The following TRPM3 variants were observed in gnomAD, a reference collection of about 807,000 sequenced individuals.
The protein encoded by TRPM3 is long transient receptor potential channel 3.
TRPM3 carries 77 observed loss-of-function variants against 181.2 expected under a neutral mutation model. The observed-to-expected ratio is 0.42, with a 90% CI of 0.35 to 0.51. TRPM3 has a LOEUF of 0.51. Ranked by LOEUF, TRPM3 falls within the 20% of genes least tolerant of loss-of-function variation. The pLI, the probability that TRPM3 is intolerant of heterozygous loss-of-function variation, is 0.01. For missense variants in TRPM3, 1,759 were observed against 2,196.7 expected (o/e 0.80, Z 3.98); for synonymous variants, 745 against 796.4 (o/e 0.94, Z 1.09).
chr9:70,552,793 A>G, intron 24 of TRPM3, 51 bp downstream of exon 24: 1 of 1,590,918 alleles, frequency 6.3e-7, no homozygotes, highest in Non-Finnish European at 8.6e-7. Flanking sequence ...GCCTATAGGA[A>G]GTGGTAGGGA....
intron 1 of TRPM3, among the ~76,000 whole-genome samples, chr9:71,084,213 G>T (rs1358938588): frequency 6.6e-6 from 1 of 151,888 alleles, no homozygotes; most frequent in Non-Finnish European, 1.5e-5. Flanking sequence ...GAATAGATAT[G>T]CTTGGTCCAG....
chr9:71,112,743 C>T (rs893027170), intron 1 of TRPM3, among the ~76,000 whole-genome samples: 5 of 152,124 alleles, frequency 3.3e-5, no homozygotes, highest in Non-Finnish European at 5.9e-5. Context: ...AATAATACCA[C>T]AACATGCTAA....
At position 71,282,400 on chromosome 9, in the gene TRPM3, G is replaced by A. The variant is rs552933378; in HGVS notation, c.183+164253C>T. 2.6e-4 allele frequency among the ~76,000 whole-genome samples: 30 copies of A among 116,912 alleles called. 6 individuals carry two copies. In the South Asian group the frequency reaches 7.0e-3, roughly 27 times the overall value. 76.7% of individuals were successfully genotyped at this position (116,912 alleles called of 152,430 possible). A position where few individuals can be genotyped will look rare whatever the true frequency, so the allele number is the denominator to read the frequency against. Reference sequence around the variant, plus strand: ...GAAAGAAAGAAAGGAAAGAAAGAAAGGAAAAGAAAGAAAAAGAAAAAGAAA... The same window carrying A: ...GAAAGAAAGAAAGGAAAGAAAGAAAAGAAAAGAAAGAAAAAGAAAAAGAAA... On this transcript the variant is annotated intron_variant, in intron 1 of 24. Transcript: ENST00000357533.
chr9:71,231,285 G>C (rs988838158), intron 1 of TRPM3, among the ~76,000 whole-genome samples: 1 of 152,188 alleles, frequency 6.6e-6, no homozygotes, highest in African/African-American at 2.4e-5. Flanking sequence ...CCTTGTAAGA[G>C]AGAAGTAAGA....
chr9:70,998,194 C>T (rs1333401092), intron 1 of TRPM3, among the ~76,000 whole-genome samples: 1 of 145,834 alleles, frequency 6.9e-6, no homozygotes, highest in African/African-American at 2.5e-5. Flanking sequence ...CATATATACA[C>T]ATATATACAT....
chr9:70,679,455 A>G (rs1443499902), intron 9 of TRPM3, among the ~76,000 whole-genome samples: 2 of 152,226 alleles, frequency 1.3e-5, no homozygotes, highest in Non-Finnish European at 2.9e-5. Context: ...AGAAGATATT[A>G]TAATGGCCAA....
intron 7 of TRPM3, among the ~76,000 whole-genome samples, chr9:70,768,806 C>T (rs80205817): frequency 9.5e-4 from 144 of 152,208 alleles, no homozygotes; most frequent in African/African-American, 3.4e-3. Context: ...GCTTTATTTA[C>T]TAGTGAGGGA....
intron 1 of TRPM3, among the ~76,000 whole-genome samples, chr9:71,059,275 G>C (rs925907121): frequency 6.6e-6 from 1 of 151,648 alleles, no homozygotes; most frequent in Non-Finnish European, 1.5e-5. Flanking sequence ...ACTTCTCTAG[G>C]AGATTTCAGG....
intron 6 of TRPM3, among the ~76,000 whole-genome samples, chr9:70,822,984 A>G (rs2093303700): frequency 6.6e-6 from 1 of 152,092 alleles, no homozygotes; most frequent in African/African-American, 2.4e-5. Context: ...CCCCAAAACT[A>G]GCATCTGATG....
intron 1 of TRPM3, among the ~76,000 whole-genome samples, chr9:71,317,939 A>T (rs1370006999): frequency 6.6e-6 from 1 of 152,136 alleles, no homozygotes; most frequent in Non-Finnish European, 1.5e-5. Context: ...CAGGCAGGAA[A>T]TTGGGCTTCA....
At chr9:71,250,180 A>T (rs957437685) in intron 1 of TRPM3, among the ~76,000 whole-genome samples, 5 of 152,292 alleles carry the variant, frequency 3.3e-5, no homozygotes, top group East Asian at 3.9e-4. Flanking sequence ...AATTTTAGGG[A>T]ACTTTTTTTC....
intron 1 of TRPM3, among the ~76,000 whole-genome samples, chr9:70,890,363 G>A (rs1016805401): frequency 1.3e-5 from 2 of 151,780 alleles, no homozygotes; most frequent in Non-Finnish European, 2.9e-5. Flanking sequence ...CAGTAATAAA[G>A]GTTTCCAGCA....
chr9:71,432,323 CTTTTTT>C (rs67905820), intron 1 of TRPM3, among the ~76,000 whole-genome samples: 27 of 76,644 alleles, frequency 3.5e-4, no homozygotes, highest in East Asian at 2.0e-3. Flanking sequence ...AAAAGTAGGA[CTTTTTT>C]TTTTTTTTTT....
At chr9:70,846,283 G>A in intron 4 of TRPM3, 95 bp downstream of exon 4, 1 of 1,159,798 alleles carries the variant, frequency 8.6e-7, no homozygotes, top group Non-Finnish European at 1.3e-6. Context: ...GGATGAAGTG[G>A]GGTGATATAG....
At chr9:70,834,783 A>T (rs1292163245) in intron 5 of TRPM3, among the ~76,000 whole-genome samples, 2 of 152,150 alleles carry the variant, frequency 1.3e-5, no homozygotes, top group Non-Finnish European at 1.5e-5. Context: ...CCTGGCTGTG[A>T]CCTCAAGAGA....
At chr9:70,937,664 G>C (rs1019371625) in intron 1 of TRPM3, among the ~76,000 whole-genome samples, 1 of 152,158 alleles carries the variant, frequency 6.6e-6, no homozygotes, top group Non-Finnish European at 1.5e-5. Flanking sequence ...CACCAGAAAA[G>C]CAGCTTCAAA....
intron 24 of TRPM3, among the ~76,000 whole-genome samples, chr9:70,551,523 G>C (rs2046447491): frequency 6.6e-6 from 1 of 152,208 alleles, no homozygotes. Flanking sequence ...GGCCTTCTTT[G>C]AGGGGGTGGG....
chr9:70,948,851 G>A (rs2096964268), intron 1 of TRPM3, among the ~76,000 whole-genome samples: 1 of 152,066 alleles, frequency 6.6e-6, no homozygotes, highest in Non-Finnish European at 1.5e-5. Flanking sequence ...CTATTGCCAA[G>A]AATAGTAATT....
At position 70,532,524 on chromosome 9, in the gene TRPM3, T is replaced by C. The variant is rs906081884; in HGVS notation, c.*3429A>G. On this transcript the variant is annotated 3_prime_UTR_variant, in exon 26 of 26. Coordinates refer to ENST00000677713, the MANE Select transcript of TRPM3 (RefSeq NM_001366145.2). ...TAATACAAACTAGTCATGAAAATTG[T>C]ACCCAAGCTTTCCAGCTCCTCATTC... 6.6e-6 allele frequency: 1 copy of C among 152,222 alleles called. No homozygotes were observed. Among genetic ancestry groups the C allele is most frequent in the Non-Finnish European group, 1.5e-5 (1 of 68,046 alleles). The allele number at this position is 152,222 out of a possible 1,614,324, so 9.4% of individuals were successfully genotyped here. A position where few individuals can be genotyped will look rare whatever the true frequency, so the allele number is the denominator to read the frequency against.
Sources: allele counts gnomAD v4.1 joint callset (sites outside exome capture counted in the v4.1 genomes callset), GRCh38; gene constraint gnomAD v4.1.1; transcripts MANE v1.5; gene names NCBI Gene and HGNC (gene_info 2026-07-23, HGNC 2026-07-21).